CACNA2D3: variants seen among roughly 807,000 people sequenced by gnomAD.
The protein encoded by CACNA2D3 is voltage-dependent calcium channel subunit alpha-2/delta-3.
A neutral mutation model predicts 160.6 loss-of-function variants in CACNA2D3; 60 were observed. The ratio of observed to expected loss-of-function variants is 0.37; its 90% CI spans 0.30 to 0.46. The LOEUF is 0.46. Ranked by LOEUF, CACNA2D3 falls within the 20% of genes least tolerant of loss-of-function variation. The pLI is 1.00. For synonymous variants in CACNA2D3, 558 were observed against 492.9 expected, an observed-to-expected ratio of 1.13 and a Z score of -1.75; for missense variants, 1,205 against 1,365.0, an observed-to-expected ratio of 0.88 and a Z score of 1.85.
At chr3:54,507,520 G>C (rs1701390247) in intron 5 of CACNA2D3, among the ~76,000 whole-genome samples, 1 of 152,260 alleles carries the variant, frequency 6.6e-6, no homozygotes, top group South Asian at 2.1e-4. Flanking sequence ...CCCAGATGTT[G>C]GTTGGTGTGG....
intron 4 of CACNA2D3, among the ~76,000 whole-genome samples, chr3:54,418,309 T>C (rs890881717): frequency 6.6e-6 from 1 of 152,198 alleles, no homozygotes; most frequent in Non-Finnish European, 1.5e-5. Flanking sequence ...GAAGTTTCAG[T>C]TTCACCATGA....
intron 17 of CACNA2D3, among the ~76,000 whole-genome samples, chr3:54,869,767 G>A (rs111582706): frequency 1.8e-4 from 27 of 152,294 alleles, no homozygotes; most frequent in African/African-American, 2.4e-4. Flanking sequence ...TGACAACTCC[G>A]GTTGACCTCG....
chr3:54,800,301 A>G (rs1702956005), intron 13 of CACNA2D3, among the ~76,000 whole-genome samples: 1 of 152,172 alleles, frequency 6.6e-6, no homozygotes, highest in South Asian at 2.1e-4. Flanking sequence ...AGGAAATACA[A>G]ATGCATCCTT....
At chr3:54,305,020 G>A (rs544443985) in intron 2 of CACNA2D3, among the ~76,000 whole-genome samples, 1 of 152,154 alleles carries the variant, frequency 6.6e-6, no homozygotes, top group South Asian at 2.1e-4. Context: ...GTACACAGTT[G>A]CATAGACATT....
At chr3:54,500,710 T>C (rs1004844599) in intron 4 of CACNA2D3, among the ~76,000 whole-genome samples, 1 of 152,148 alleles carries the variant, frequency 6.6e-6, no homozygotes, top group Non-Finnish European at 1.5e-5. Flanking sequence ...ATATAAATTA[T>C]GCTTCCTTTT....
At chr3:54,963,546 G>A (rs1001585266) in intron 27 of CACNA2D3, among the ~76,000 whole-genome samples, 1 of 152,180 alleles carries the variant, frequency 6.6e-6, no homozygotes, top group Non-Finnish European at 1.5e-5. Context: ...ATAGCCACAT[G>A]TAACTAATGG....
intron 27 of CACNA2D3, among the ~76,000 whole-genome samples, chr3:54,911,183 C>A (rs941262283): frequency 3.9e-5 from 6 of 151,988 alleles, no homozygotes; most frequent in Admixed American, 3.9e-4. Flanking sequence ...AAAATAATTC[C>A]TAAATCTATT....
At chr3:54,538,335 G>A (rs990310937) in intron 5 of CACNA2D3, among the ~76,000 whole-genome samples, 6 of 152,188 alleles carry the variant, frequency 3.9e-5, no homozygotes, top group African/African-American at 1.4e-4. Context: ...CCAGGAAACT[G>A]AACAGCTCTG....
intron 11 of CACNA2D3, among the ~76,000 whole-genome samples, chr3:54,732,246 C>T (rs979319275): frequency 6.6e-6 from 1 of 152,196 alleles, no homozygotes; most frequent in Admixed American, 6.5e-5. Context: ...ATGTTCAGGA[C>T]GACAAAGAGA....
At chr3:54,918,364 G>A in intron 27 of CACNA2D3, 2 of 353,994 alleles carry the variant, frequency 5.6e-6, no homozygotes, top group Non-Finnish European at 8.3e-6. Flanking sequence ...TTGTCTTTTG[G>A]CAAAAGCAAA....
intron 2 of CACNA2D3, among the ~76,000 whole-genome samples, chr3:54,239,856 A>G (rs73087992): frequency 0.029 from 4,350 of 152,330 alleles, 83 homozygotes; most frequent in African/African-American, 0.042. Flanking sequence ...TATGACTACA[A>G]TAACTATCAA....
At chr3:54,441,122 A>G (rs934938897) in intron 4 of CACNA2D3, among the ~76,000 whole-genome samples, 17 of 152,046 alleles carry the variant, frequency 1.1e-4, no homozygotes, top group African/African-American at 4.1e-4. Context: ...AAGTGTTCCT[A>G]TTTCTCCACA....
At chr3:54,802,474 C>G (rs1189346117) in intron 13 of CACNA2D3, among the ~76,000 whole-genome samples, 1 of 152,090 alleles carries the variant, frequency 6.6e-6, no homozygotes, top group Non-Finnish European at 1.5e-5. Flanking sequence ...GGAAATTACT[C>G]CTGAGTATTT....
chr3:54,542,962 A>G (rs919102237), intron 5 of CACNA2D3, among the ~76,000 whole-genome samples: 2 of 152,244 alleles, frequency 1.3e-5, no homozygotes, highest in Non-Finnish European at 2.9e-5. Context: ...TATCTTGGTC[A>G]TATTCGTTGG....
chr3:54,272,601 A>G (rs1416278901), intron 2 of CACNA2D3, among the ~76,000 whole-genome samples: 1 of 151,810 alleles, frequency 6.6e-6, no homozygotes, highest in African/African-American at 2.4e-5. Context: ...GCTCCTTCCC[A>G]CAGATGCTTG....
At chr3:55,027,869 T>C (rs947548108) in intron 35 of CACNA2D3, among the ~76,000 whole-genome samples, 1 of 152,168 alleles carries the variant, frequency 6.6e-6, no homozygotes, top group Non-Finnish European at 1.5e-5. Flanking sequence ...TGGCAAACCA[T>C]AGAGCAACAA....
chr3:54,216,069 CCTTT>C (rs1701457406), intron 2 of CACNA2D3, among the ~76,000 whole-genome samples: 1 of 151,932 alleles, frequency 6.6e-6, no homozygotes, highest in Non-Finnish European at 1.5e-5. Flanking sequence ...GCGGCTGAGC[CCTTT>C]GAGAGCTTGT....
chr3:54,946,938 G>A (rs552921237), intron 27 of CACNA2D3, among the ~76,000 whole-genome samples: 2 of 152,204 alleles, frequency 1.3e-5, no homozygotes, highest in East Asian at 1.9e-4. Context: ...AAATAGTTAA[G>A]CATTGTGAAA....
At chr3:54,896,672 A>T (rs6445708) in intron 25 of CACNA2D3, 77 bp from the exon 26 acceptor site, 214,920 of 1,577,666 alleles carry the variant, frequency 0.14, 15,351 homozygotes, top group Middle Eastern at 0.18. Flanking sequence ...TTACCTGATG[A>T]AGGCTGTCGG....
Sources: gnomAD v4.1 joint callset for allele counts (sites outside exome capture counted in the v4.1 genomes callset) on GRCh38, gnomAD v4.1.1 for gene constraint, MANE v1.5 for transcripts, NCBI Gene and HGNC (gene_info 2026-07-23, HGNC 2026-07-21) for gene names.